The following PTPRD variants were observed in gnomAD, a reference collection of about 807,000 sequenced individuals.
PTPRD encodes the protein protein tyrosine phosphatase receptor type D, also known as receptor-type tyrosine-protein phosphatase delta.
In PTPRD, 34 loss-of-function variants were observed where a neutral mutation model predicts 214.5. The ratio of observed to expected loss-of-function variants is 0.16; its 90% CI spans 0.12 to 0.21. The LOEUF is 0.21. PTPRD is among the 10% of genes least tolerant of loss of function. PTPRD has a pLI of 1.00. For missense variants in PTPRD, 2,545 were observed against 2,398.7 expected (o/e 1.06, Z -1.27); for synonymous variants, 1,128 against 845.7 (o/e 1.33, Z -5.79).
chr9:8,846,580 A>C (rs1196187629), intron 11 of PTPRD, among the ~76,000 whole-genome samples: 1 of 152,192 alleles, frequency 6.6e-6, no homozygotes, highest in Non-Finnish European at 1.5e-5. Flanking sequence ...TATGCCCTGA[A>C]GGAAGAAAAA....
chr9:10,227,238 G>T (rs1301244548), intron 3 of PTPRD, among the ~76,000 whole-genome samples: 1 of 151,930 alleles, frequency 6.6e-6, no homozygotes, highest in Non-Finnish European at 1.5e-5. Context: ...ATGTGAAATT[G>T]CATGTTGAAA....
chr9:10,283,137 C>G (rs756402884), intron 3 of PTPRD, among the ~76,000 whole-genome samples: 1 of 151,972 alleles, frequency 6.6e-6, no homozygotes, highest in Non-Finnish European at 1.5e-5. Context: ...CACACACACA[C>G]ACACACACAC....
intron 9 of PTPRD, among the ~76,000 whole-genome samples, chr9:9,258,354 G>A (rs1387366055): frequency 6.6e-6 from 1 of 151,744 alleles, no homozygotes; most frequent in South Asian, 2.1e-4. Flanking sequence ...CACATTTAGA[G>A]CTGGCTATTA....
chr9:9,480,575 G>A (rs1589492035), intron 8 of PTPRD, among the ~76,000 whole-genome samples: 1 of 152,034 alleles, frequency 6.6e-6, no homozygotes. Flanking sequence ...TTGTATTGAT[G>A]TTTATAGTGT....
intron 3 of PTPRD, among the ~76,000 whole-genome samples, chr9:10,165,908 T>A (rs2154292960): frequency 6.6e-6 from 1 of 151,076 alleles, no homozygotes; most frequent in African/African-American, 2.4e-5. Flanking sequence ...AATACACATG[T>A]CAATATATAG....
chr9:9,546,288 G>A (rs1449853437), intron 8 of PTPRD, among the ~76,000 whole-genome samples: 2 of 151,464 alleles, frequency 1.3e-5, no homozygotes, highest in South Asian at 4.2e-4. Flanking sequence ...AAAAAATAGT[G>A]TGTTGCTTTC....
intron 2 of PTPRD, among the ~76,000 whole-genome samples, chr9:10,382,893 T>A (rs1051117435): frequency 6.6e-6 from 1 of 151,794 alleles, no homozygotes; most frequent in African/African-American, 2.4e-5. Context: ...CTTAATACCA[T>A]GGTGTGGAAG....
chr9:8,373,841 TATG>T (rs1156654257), intron 39 of PTPRD, among the ~76,000 whole-genome samples: 1 of 104,576 alleles, frequency 9.6e-6, no homozygotes, highest in Non-Finnish European at 1.8e-5. Context: ...TGTATGTATG[TATG>T]TATGTGTATG....
chr9:9,389,265 C>T (rs2064981133), intron 9 of PTPRD, among the ~76,000 whole-genome samples: 1 of 152,174 alleles, frequency 6.6e-6, no homozygotes, highest in Non-Finnish European at 1.5e-5. Context: ...AATTCCACCA[C>T]CTTGGGAGGC....
intron 9 of PTPRD, among the ~76,000 whole-genome samples, chr9:9,382,531 T>C (rs1258074658): frequency 2.0e-5 from 3 of 152,016 alleles, no homozygotes; most frequent in African/African-American, 7.2e-5. Flanking sequence ...TGAATAGACA[T>C]TTCCCCAAAG....
intron 5 of PTPRD, among the ~76,000 whole-genome samples, chr9:9,850,404 G>A (rs976512449): frequency 2.0e-5 from 3 of 152,014 alleles, no homozygotes; most frequent in Admixed American, 1.3e-4. Flanking sequence ...TTTCTACTTA[G>A]TTAACTGATT....
At position 9,230,446 on chromosome 9, in the gene PTPRD, C is replaced by G. The variant is rs534037877; in HGVS notation, c.-202-47083G>C. On this transcript the variant is annotated intron_variant, in intron 9 of 45. Coordinates refer to ENST00000381196, the MANE Select transcript of PTPRD (RefSeq NM_002839.4). ...ACAGTGTTTCCCTGAGATCTGTGAG[C>G]CATTTTAGCACATTATCACACCTGA... Among the ~76,000 whole-genome samples the G allele has an allele frequency of 5.3e-5, 8 of 152,182 alleles. No individual in the cohort carries two copies. In the South Asian group the frequency reaches 1.7e-3, roughly 32 times the overall value.
At chr9:10,160,961 C>T (rs1203449649) in intron 3 of PTPRD, among the ~76,000 whole-genome samples, 1 of 151,690 alleles carries the variant, frequency 6.6e-6, no homozygotes. Context: ...AAAACAATCC[C>T]ATTTGCAGTA....
intron 4 of PTPRD, among the ~76,000 whole-genome samples, chr9:9,982,390 A>G (rs904931574): frequency 2.0e-5 from 3 of 152,050 alleles, no homozygotes; most frequent in Non-Finnish European, 2.9e-5. Flanking sequence ...ATGCTATACA[A>G]ATTATTTGTC....
intron 3 of PTPRD, among the ~76,000 whole-genome samples, chr9:10,087,240 G>A (rs1231339809): frequency 6.6e-6 from 1 of 150,794 alleles, no homozygotes; most frequent in Non-Finnish European, 1.5e-5. Flanking sequence ...ATACACATAT[G>A]CATATTGCAC....
At chr9:8,777,045 A>ACCAC (rs1555322292) in intron 11 of PTPRD, among the ~76,000 whole-genome samples, 2 of 150,766 alleles carry the variant, frequency 1.3e-5, no homozygotes, top group Non-Finnish European at 3.0e-5. Flanking sequence ...CAGTGGCAGG[A>ACCAC]TCACGGCTCA....
At chr9:8,592,272 T>C (rs1253539292) in intron 14 of PTPRD, among the ~76,000 whole-genome samples, 1 of 152,142 alleles carries the variant, frequency 6.6e-6, no homozygotes, top group African/African-American at 2.4e-5. Context: ...CACCCCCAAA[T>C]TCAACCCACT....
intron 11 of PTPRD, among the ~76,000 whole-genome samples, chr9:8,807,695 G>T (rs2096715582): frequency 6.6e-6 from 1 of 150,774 alleles, no homozygotes; most frequent in African/African-American, 2.4e-5. Context: ...ATAAGTTTAT[G>T]AAATAAAACA....
At chr9:9,404,465 G>T (rs529889088) in intron 8 of PTPRD, among the ~76,000 whole-genome samples, 7 of 152,202 alleles carry the variant, frequency 4.6e-5, no homozygotes, top group South Asian at 2.1e-4. Flanking sequence ...GTGAAAAAAA[G>T]ATATTAAGGA....
Sources: allele counts gnomAD v4.1 joint callset (sites outside exome capture counted in the v4.1 genomes callset), GRCh38; gene constraint gnomAD v4.1.1; transcripts MANE v1.5; gene names NCBI Gene and HGNC (gene_info 2026-07-23, HGNC 2026-07-21).